Variants in SLC35F3 observed in about 807,000 individuals in gnomAD.
SLC35F3 encodes the protein putative thiamine transporter SLC35F3.
Under a neutral mutation model 49.9 loss-of-function variants are expected in SLC35F3, and 25 were observed. That is an observed-to-expected ratio of 0.50 (90% CI 0.37 to 0.70). The LOEUF (loss-of-function observed/expected upper bound fraction) is 0.70. Ranked by LOEUF, SLC35F3 falls within the 30% of genes least tolerant of loss-of-function variation. The pLI, the probability that SLC35F3 is intolerant of heterozygous loss-of-function variation, is 0.00. For missense variants in SLC35F3, 525 were observed against 639.8 expected (o/e 0.82, Z 1.94); for synonymous variants, 275 against 265.4 (o/e 1.04, Z -0.35).
At chr1:234,166,698 C>T (rs1558247954) in intron 2 of SLC35F3, among the ~76,000 whole-genome samples, 1 of 152,188 alleles carries the variant, frequency 6.6e-6, no homozygotes, top group Non-Finnish European at 1.5e-5. Flanking sequence ...CAGGAAGGCC[C>T]TCTAACCTAG....
intron 2 of SLC35F3, among the ~76,000 whole-genome samples, chr1:234,184,858 C>T (rs1007752594): frequency 6.6e-6 from 1 of 152,192 alleles, no homozygotes; most frequent in African/African-American, 2.4e-5. Flanking sequence ...GACAGACCAG[C>T]TTTGACATTA....
intron 3 of SLC35F3, among the ~76,000 whole-genome samples, chr1:234,264,240 G>T (rs745707184): frequency 6.6e-6 from 1 of 152,246 alleles, no homozygotes; most frequent in South Asian, 2.1e-4. Context: ...CCCACCAGGT[G>T]TGCACAAGGA....
intron 2 of SLC35F3, among the ~76,000 whole-genome samples, chr1:234,017,302 T>C (rs1663817522): frequency 6.6e-6 from 1 of 152,182 alleles, no homozygotes; most frequent in African/African-American, 2.4e-5. Context: ...GAACACTGAA[T>C]TAAGGAATAC....
rs1286264765 is a variant in SLC35F3, at chr1:234,231,487, G to C, written c.354G>C (p.Gly118=). 1 of 1,612,510 alleles carries C rather than the reference G, an allele frequency of 6.2e-7. No homozygotes were observed. Among genetic ancestry groups the C allele is most frequent in the Non-Finnish European group, 8.5e-7 (1 of 1,179,298 alleles). The change falls in exon 3 of 8, where the codon GGG becomes GGC. Residue 118 remains glycine (G), a synonymous_variant. Coordinates refer to ENST00000366618, the MANE Select transcript of SLC35F3 (RefSeq NM_173508.4). The surrounding 1 kb of genome is among the most constrained non-coding windows in gnomAD (Gnocchi z 5.4). ...CACCGGCCGGGGTGGAGGCCGGCGG[G>C]AGAGCGAGTCGCCGCTGCTGGACGT... ...AQAPAGVEAG[G]RASRRCWTCS...
At chr1:233,986,944 A>G (rs957099859) in intron 2 of SLC35F3, among the ~76,000 whole-genome samples, 39 of 151,488 alleles carry the variant, frequency 2.6e-4, no homozygotes, top group Admixed American at 6.6e-4. Context: ...TTCTTTTTGT[A>G]TGTGTGTTCT....
intron 2 of SLC35F3, among the ~76,000 whole-genome samples, chr1:234,183,599 C>T (rs1345010347): frequency 1.4e-5 from 2 of 142,674 alleles, no homozygotes; most frequent in Non-Finnish European, 1.5e-5. Context: ...TTTCATTAAA[C>T]GATACTGTGT....
intron 2 of SLC35F3, among the ~76,000 whole-genome samples, chr1:233,943,660 A>C (rs1662465554): frequency 6.6e-6 from 1 of 152,220 alleles, no homozygotes; most frequent in Non-Finnish European, 1.5e-5. Flanking sequence ...ATATGGAATA[A>C]ATCCATATGG....
rs559466551 is a variant in SLC35F3 at position 234,185,123 on chromosome 1, G to A, written c.284-46294G>A. 2.6e-5 allele frequency among the ~76,000 whole-genome samples: 4 copies of A among 152,308 alleles called. No homozygotes were observed. In the South Asian group the frequency reaches 8.3e-4, roughly 32 times the overall value. ...GTAAAAGACACAGGAATGATTATGAGACAAATACTTGCAGAAGGAGGAGGG... is the reference window on the plus strand; with the variant it reads ...GTAAAAGACACAGGAATGATTATGAAACAAATACTTGCAGAAGGAGGAGGG... On this transcript the variant is annotated intron_variant, in intron 2 of 7. Transcript: ENST00000366618.
At chr1:234,138,832 C>T (rs564317485) in intron 2 of SLC35F3, among the ~76,000 whole-genome samples, 6 of 152,114 alleles carry the variant, frequency 3.9e-5, no homozygotes, top group Non-Finnish European at 5.9e-5. Flanking sequence ...ATTATACAGG[C>T]GAGAGCCACT....
chr1:234,248,878 G>A (rs1169656242), intron 3 of SLC35F3, among the ~76,000 whole-genome samples: 1 of 152,176 alleles, frequency 6.6e-6, no homozygotes, highest in African/African-American at 2.4e-5. Flanking sequence ...TCAGAGTGAA[G>A]GCCAGGTGAA....
chr1:234,215,386 G>A (rs4920224), intron 2 of SLC35F3, among the ~76,000 whole-genome samples: 19,110 of 152,184 alleles, frequency 0.13, 3,008 homozygotes, highest in East Asian at 0.8. Context: ...ATGGAGAAGG[G>A]GGGCAGAGGG....
chr1:234,171,336 C>T (rs754290334), intron 2 of SLC35F3, among the ~76,000 whole-genome samples: 29 of 152,148 alleles, frequency 1.9e-4, no homozygotes, highest in Middle Eastern at 3.2e-3. Flanking sequence ...AGGGATTTTT[C>T]AAAACTCCCA....
chr1:234,089,484 A>G (rs1280147599), intron 2 of SLC35F3, among the ~76,000 whole-genome samples: 6 of 152,250 alleles, frequency 3.9e-5, no homozygotes, highest in Admixed American at 6.5e-5. Flanking sequence ...GGAGAAAAAC[A>G]GATGAAGGAC....
chr1:234,041,662 C>T (rs1329638667), intron 2 of SLC35F3, among the ~76,000 whole-genome samples: 1 of 152,134 alleles, frequency 6.6e-6, no homozygotes, highest in African/African-American at 2.4e-5. Flanking sequence ...TAATCACTTG[C>T]ACATTTTATA....
chr1:234,304,681 C>CT (rs1162798413), intron 3 of SLC35F3, among the ~76,000 whole-genome samples: 2 of 152,196 alleles, frequency 1.3e-5, no homozygotes, highest in Admixed American at 6.5e-5. Flanking sequence ...TTATATTCCA[C>CT]ACCATCTATC....
intron 2 of SLC35F3, among the ~76,000 whole-genome samples, chr1:233,933,485 C>G (rs981911910): frequency 7.9e-5 from 12 of 152,026 alleles, no homozygotes; most frequent in Admixed American, 4.6e-4. Flanking sequence ...CTACCATGCC[C>G]AGTTAATTAT....
chr1:234,084,339 T>G (rs1446903790), intron 2 of SLC35F3, among the ~76,000 whole-genome samples: 1 of 152,130 alleles, frequency 6.6e-6, no homozygotes, highest in Non-Finnish European at 1.5e-5. Context: ...TATATCTACC[T>G]GTGAATCCCA....
intron 2 of SLC35F3, among the ~76,000 whole-genome samples, chr1:233,939,255 C>A (rs1405658484): frequency 1.3e-5 from 2 of 152,078 alleles, no homozygotes; most frequent in Admixed American, 1.3e-4. Context: ...AGTTCAAGAC[C>A]AGCCTGGGCA....
At chr1:234,087,822 T>C (rs989252230) in intron 2 of SLC35F3, among the ~76,000 whole-genome samples, 1 of 152,198 alleles carries the variant, frequency 6.6e-6, no homozygotes, top group Non-Finnish European at 1.5e-5. Context: ...TCCTTGGTGA[T>C]AGTGGTCACA....
Sources: gnomAD v4.1 joint callset for allele counts (sites outside exome capture counted in the v4.1 genomes callset) on GRCh38, gnomAD v4.1.1 for gene constraint, Gnocchi (gnomAD v3.1) non-coding constraint, MANE v1.5 for transcripts, NCBI Gene and HGNC (gene_info 2026-07-23, HGNC 2026-07-21) for gene names.